DDAH1: variants seen among roughly 807,000 people sequenced by gnomAD.
DDAH1 encodes the protein N(G),N(G)-dimethylarginine dimethylaminohydrolase 1.
DDAH1 carries 19 observed loss-of-function variants against 28.8 expected under a neutral mutation model. The observed-to-expected ratio is 0.66, with a 90% confidence interval of 0.46 to 0.97. DDAH1 has a LOEUF of 0.97. Among genes scored for constraint, DDAH1 ranks in the 50% least tolerant of loss-of-function variants. The pLI is 0.00. For missense variants in DDAH1, 326 were observed against 375.9 expected, an observed-to-expected ratio of 0.87 and a Z score of 1.10; for synonymous variants, 153 against 154.4, an observed-to-expected ratio of 0.99 and a Z score of 0.07.
intron 1 of DDAH1, among the ~76,000 whole-genome samples, chr1:85,552,248 T>A (rs1334141280): frequency 6.6e-6 from 1 of 152,110 alleles, no homozygotes; most frequent in Non-Finnish European, 1.5e-5. Flanking sequence ...CTCTACATAC[T>A]CTGGTCATCT....
At chr1:85,414,253 A>G (rs77008293) in intron 1 of DDAH1, among the ~76,000 whole-genome samples, 1 of 152,228 alleles carries the variant, frequency 6.6e-6, no homozygotes, top group Non-Finnish European at 1.5e-5. Flanking sequence ...AGACCATTCA[A>G]TAATGGTGCC....
At chr1:85,340,127 C>T (rs1319096824) in intron 4 of DDAH1, among the ~76,000 whole-genome samples, 1 of 152,158 alleles carries the variant, frequency 6.6e-6, no homozygotes, top group Non-Finnish European at 1.5e-5. Flanking sequence ...AGGACAGAGA[C>T]TCCAGACTTG....
At chr1:85,524,108 A>G (rs563919888) in intron 1 of DDAH1, among the ~76,000 whole-genome samples, 1 of 152,236 alleles carries the variant, frequency 6.6e-6, no homozygotes, top group African/African-American at 2.4e-5. Flanking sequence ...GCTGGGAAAA[A>G]AAAACGATGC....
intron 1 of DDAH1, among the ~76,000 whole-genome samples, chr1:85,386,068 A>G (rs1428513228): frequency 1.3e-5 from 2 of 152,202 alleles, no homozygotes; most frequent in African/African-American, 4.8e-5. Flanking sequence ...AACACTTCCC[A>G]CTAGGCCCAC....
At chr1:85,513,591 C>T (rs1657329234) in intron 1 of DDAH1, among the ~76,000 whole-genome samples, 1 of 151,728 alleles carries the variant, frequency 6.6e-6, no homozygotes, top group Admixed American at 6.6e-5. Flanking sequence ...AAAAAGTTTG[C>T]AATCTAGTCA....
chr1:85,376,468 C>G (rs896419095), intron 1 of DDAH1, among the ~76,000 whole-genome samples: 2 of 152,056 alleles, frequency 1.3e-5, no homozygotes, highest in African/African-American at 4.8e-5. Flanking sequence ...AATTCTATAT[C>G]CATCTTAGAG....
intron 1 of DDAH1, among the ~76,000 whole-genome samples, chr1:85,369,424 G>A (rs1319522382): frequency 2.0e-5 from 3 of 152,090 alleles, no homozygotes; most frequent in Admixed American, 2.0e-4. Context: ...TTTAGACAGG[G>A]CATAGCCACG....
At chr1:85,386,212 C>T (rs1651246835) in intron 1 of DDAH1, among the ~76,000 whole-genome samples, 1 of 152,152 alleles carries the variant, frequency 6.6e-6, no homozygotes, top group Admixed American at 6.6e-5. Flanking sequence ...AAAATTTTAG[C>T]TTGTTCCAGC....
intron 1 of DDAH1, among the ~76,000 whole-genome samples, chr1:85,411,083 G>A (rs746468894): frequency 2.0e-5 from 3 of 152,156 alleles, no homozygotes; most frequent in African/African-American, 7.2e-5. Flanking sequence ...CACTGACTGA[G>A]TGTCTTGGCG....
intron 1 of DDAH1, among the ~76,000 whole-genome samples, chr1:85,437,883 G>A (rs969587308): frequency 2.6e-5 from 4 of 152,024 alleles, no homozygotes; most frequent in Non-Finnish European, 5.9e-5. Flanking sequence ...TCTAACAGAC[G>A]GCAATTTGGA....
intron 1 of DDAH1, among the ~76,000 whole-genome samples, chr1:85,386,844 C>T (rs2100545858): frequency 6.6e-6 from 1 of 152,302 alleles, no homozygotes; most frequent in South Asian, 2.1e-4. Flanking sequence ...GTGGAAGCTG[C>T]CAAGCCTCCA....
chr1:85,332,245 AGAGGGCT>A (rs1647820768), intron 4 of DDAH1, among the ~76,000 whole-genome samples: 1 of 152,146 alleles, frequency 6.6e-6, no homozygotes, highest in Non-Finnish European at 1.5e-5. Flanking sequence ...CCCCACTAAC[AGAGGGCT>A]GCAGGGTGCA....
chr1:85,326,908 A>G (rs900351588), intron 4 of DDAH1, among the ~76,000 whole-genome samples: 3 of 152,226 alleles, frequency 2.0e-5, no homozygotes, highest in Admixed American at 2.0e-4. Context: ...CTTTTCTAAG[A>G]AAATTAACAA....
intron 1 of DDAH1, among the ~76,000 whole-genome samples, chr1:85,463,220 A>T (rs1216667891): frequency 6.6e-6 from 1 of 152,228 alleles, no homozygotes; most frequent in African/African-American, 2.4e-5. Flanking sequence ...GGGGAAAAAG[A>T]TCACTGCTCA....
chr1:85,387,270 G>A (rs1557562776), intron 1 of DDAH1, among the ~76,000 whole-genome samples: 1 of 152,076 alleles, frequency 6.6e-6, no homozygotes, highest in Non-Finnish European at 1.5e-5. Flanking sequence ...AAAATTTTCT[G>A]CTCTGTTTCC....
chr1:85,550,359 C>T (rs1010734032), intron 1 of DDAH1, among the ~76,000 whole-genome samples: 14 of 152,110 alleles, frequency 9.2e-5, no homozygotes, highest in Non-Finnish European at 1.3e-4. Flanking sequence ...AATGGAGCAG[C>T]GGTAGCATGA....
chr1:85,519,960 CT>C lies in DDAH1; in HGVS notation c.-122-23680del, dbSNP rs1397501690. Among the ~76,000 whole-genome samples the C allele has an allele frequency of 1.9e-4, 27 of 139,842 alleles. 1 individual carries two copies. The South Asian group carries it at 2.7e-3, about 14-fold the overall frequency. 91.7% of individuals were successfully genotyped at this position (139,842 alleles called of 152,430 possible). On this transcript the variant is annotated intron_variant, in intron 1 of 6. Transcript: ENST00000426972. ...TCAACTATATTTGTAATGTTTCATTCTTTTTTTTCCCCTTTATTTATTTATT... is the reference window on the plus strand; with the variant it reads ...TCAACTATATTTGTAATGTTTCATTCTTTTTTTCCCCTTTATTTATTTATT...
At position 85,531,400 on chromosome 1, in the gene DDAH1, T is replaced by C. The variant is rs550682051; in HGVS notation, c.-122-35119A>G. On this transcript the variant is annotated intron_variant, in intron 1 of 6. Coordinates refer to the DDAH1 transcript ENST00000426972. ...CAATACACAGGTTGCATTCTATAGA[T>C]ACAGTATTCAGTTTGTGCATATTTC... 6.6e-5 allele frequency among the ~76,000 whole-genome samples: 10 copies of C among 152,348 alleles called. No individual in the cohort carries two copies. The South Asian group carries it at 1.0e-3, about 16-fold the overall frequency.
chr1:85,550,792 CGTAT>C (rs1557752848), intron 1 of DDAH1, among the ~76,000 whole-genome samples: 1 of 152,082 alleles, frequency 6.6e-6, no homozygotes, highest in Non-Finnish European at 1.5e-5. Flanking sequence ...TCCCTGAGCA[CGTAT>C]GTATTAACTT....
Sources: gnomAD v4.1 joint callset for allele counts (sites outside exome capture counted in the v4.1 genomes callset) on GRCh38, gnomAD v4.1.1 for gene constraint, MANE v1.5 for transcripts, NCBI Gene and HGNC (gene_info 2026-07-23, HGNC 2026-07-21) for gene names.